The following EFR3A variants were observed in gnomAD, a reference collection of about 807,000 sequenced individuals.
EFR3A encodes the protein protein EFR3 homolog A.
Under a neutral mutation model 104.4 loss-of-function variants are expected in EFR3A, and 76 were observed. The ratio of observed to expected loss-of-function variants is 0.73; its 90% confidence interval spans 0.60 to 0.88. The LOEUF is 0.88. EFR3A is among the 40% of genes least tolerant of loss of function. The pLI, the probability that EFR3A is intolerant of heterozygous loss-of-function variation, is 0.00. For missense variants in EFR3A, 985 were observed against 1,012.5 expected (o/e 0.97, Z 0.37); for synonymous variants, 330 against 330.0 (o/e 1.00, Z 0.00).
At chr8:131,968,548 C>T in intron 9 of EFR3A, 118 bp downstream of exon 9, 1 of 1,129,638 alleles carries the variant, frequency 8.9e-7, no homozygotes, top group Non-Finnish European at 1.2e-6. Flanking sequence ...TTTCGGTGTA[C>T]AATAATTTTT....
intron 22 of EFR3A, among the ~76,000 whole-genome samples, chr8:132,003,665 A>G (rs952062279): frequency 6.6e-6 from 1 of 152,190 alleles, no homozygotes; most frequent in Non-Finnish European, 1.5e-5. Context: ...TGTCAGCCTC[A>G]TGGTTCTTTT....
intron 1 of EFR3A, among the ~76,000 whole-genome samples, chr8:131,917,636 A>G (rs1816805305): frequency 6.6e-6 from 1 of 152,220 alleles, no homozygotes; most frequent in Admixed American, 6.5e-5. Context: ...TAGAGGTGAG[A>G]TAATGTTCTA....
rs1050523389 is a variant in EFR3A, at chr8:131,979,568, C to G, written c.1575+147C>G. The stretch of plus-strand genomic sequence containing the variant: ...TCAAGACGCCATCTTCAGCCTCCCT[C>G]AAGTGTAACATTCCTGTCGGTGTCT... On this transcript the variant is annotated intron_variant, in intron 14 of 22. Coordinates refer to ENST00000254624, the MANE Select transcript of EFR3A (RefSeq NM_015137.6). 20 of 590,566 alleles carry G rather than the reference C, an allele frequency of 3.4e-5. No individual in the cohort carries two copies. The African/African-American group carries it at 3.6e-4, about 11-fold the overall frequency. The allele number at this position is 590,566 out of a possible 1,614,324, so 36.6% of individuals were successfully genotyped here.
At chr8:131,962,074 AG>A (rs1819379271) in intron 8 of EFR3A, among the ~76,000 whole-genome samples, 1 of 152,374 alleles carries the variant, frequency 6.6e-6, no homozygotes, top group South Asian at 2.1e-4. Context: ...AAACATGGAA[AG>A]GAACAACCGG....
intron 1 of EFR3A, among the ~76,000 whole-genome samples, chr8:131,907,643 A>G (rs1816315603): frequency 6.6e-6 from 1 of 152,242 alleles, no homozygotes; most frequent in African/African-American, 2.4e-5. Flanking sequence ...TGCAGAATGA[A>G]TTATAAAAGA....
In EFR3A at chr8:131,959,583, A is replaced by T. The variant is rs1287954612; in HGVS notation, c.777-2A>T. ...TTTTAAAGTAATTTTTGTTATTTGC[A>T]GGCATTTAGATCATCACAAACTGTG... On this transcript the variant is annotated splice_acceptor_variant, in intron 7 of 22. Transcript: ENST00000254624. LOFTEE classifies it high-confidence loss of function. 2 of 1,608,302 alleles carry T rather than the reference A, an allele frequency of 1.2e-6. No individual in the cohort carries two copies. Among genetic ancestry groups the T allele is most frequent in the Non-Finnish European group, 1.7e-6 (2 of 1,178,110 alleles).
chr8:131,975,532 T>C (rs1285757735), intron 10 of EFR3A, among the ~76,000 whole-genome samples: 1 of 147,670 alleles, frequency 6.8e-6, no homozygotes, highest in Non-Finnish European at 1.5e-5. Flanking sequence ...TTCTCCTGCC[T>C]CAACCTCCTG....
intron 22 of EFR3A, among the ~76,000 whole-genome samples, chr8:132,009,806 A>G (rs901490290): frequency 1.3e-5 from 2 of 152,138 alleles, no homozygotes; most frequent in African/African-American, 2.4e-5. Flanking sequence ...TTTTCTTAGC[A>G]TAACTAAAAA....
chr8:131,918,488 T>C (rs965008377), intron 1 of EFR3A, among the ~76,000 whole-genome samples: 7 of 152,238 alleles, frequency 4.6e-5, no homozygotes, highest in Admixed American at 4.6e-4. Context: ...TTGAACATTT[T>C]ACTTAACTAG....
Position 131,990,075 on chromosome 8 carries a change from C to T in EFR3A, c.2065+2373C>T, listed in dbSNP as rs577140696. 7.2e-5 allele frequency among the ~76,000 whole-genome samples: 11 copies of T among 152,282 alleles called. No homozygotes were observed. The East Asian group carries it at 1.9e-3, about 27-fold the overall frequency. On this transcript the variant is annotated intron_variant, in intron 18 of 22. Coordinates refer to ENST00000254624, the MANE Select transcript of EFR3A (RefSeq NM_015137.6). ...AGTTATTTAAGTATTAAGCGAGCAC[C>T]TCCAGTGTGCCAGCTGCTGTGCAAG...
intron 1 of EFR3A, 79 bp downstream of exon 1, chr8:131,904,401 G>A: frequency 4.1e-6 from 5 of 1,213,788 alleles, no homozygotes; most frequent in Non-Finnish European, 5.2e-6. Context: ...CTCCTCCCGG[G>A]CGGCTGGGGA....
intron 1 of EFR3A, among the ~76,000 whole-genome samples, chr8:131,938,641 T>C (rs917759987): frequency 6.6e-6 from 1 of 152,120 alleles, no homozygotes; most frequent in Non-Finnish European, 1.5e-5. Flanking sequence ...GGCACACACA[T>C]TTCTGCAATT....
chr8:131,982,759 A>G (rs971011926), intron 14 of EFR3A, among the ~76,000 whole-genome samples: 12 of 152,266 alleles, frequency 7.9e-5, no homozygotes, highest in African/African-American at 2.4e-4. Flanking sequence ...AGAATTCAAG[A>G]ATATTCTGAG....
chr8:132,001,591 A>G (rs1821782529), intron 19 of EFR3A, among the ~76,000 whole-genome samples, 168 bp from the exon 20 acceptor site: 1 of 152,192 alleles, frequency 6.6e-6, no homozygotes, highest in Admixed American at 6.5e-5. Flanking sequence ...ACCAATGAAA[A>G]AGTGGAGATT....
At chr8:131,905,000 C>T (rs1816175141) in intron 1 of EFR3A, among the ~76,000 whole-genome samples, 1 of 152,204 alleles carries the variant, frequency 6.6e-6, no homozygotes, top group African/African-American at 2.4e-5. Flanking sequence ...TACCAAGGCA[C>T]CCCAAAGTTT....
chr8:131,988,071 T>C (rs1820986678), intron 18 of EFR3A, among the ~76,000 whole-genome samples: 4 of 152,122 alleles, frequency 2.6e-5, no homozygotes, highest in African/African-American at 7.2e-5. Flanking sequence ...TTTAGGTTAA[T>C]GAATTAGGCA....
chr8:131,932,062 A>T (rs891608096), intron 1 of EFR3A, among the ~76,000 whole-genome samples: 1 of 152,074 alleles, frequency 6.6e-6, no homozygotes, highest in Non-Finnish European at 1.5e-5. Context: ...CATGTAAATA[A>T]GTGATTTGCA....
chr8:131,984,436 T>A, intron 15 of EFR3A, 136 bp downstream of exon 15: 1 of 806,672 alleles, frequency 1.2e-6, no homozygotes, highest in Non-Finnish European at 1.9e-6. Flanking sequence ...CTCAAGACTA[T>A]GACTACATTC....
intron 10 of EFR3A, among the ~76,000 whole-genome samples, chr8:131,975,748 C>T (rs944717297): frequency 6.6e-6 from 1 of 152,024 alleles, no homozygotes; most frequent in Non-Finnish European, 1.5e-5. Flanking sequence ...CTCCAGTCAA[C>T]TCAAGTCAGT....
Sources: allele counts gnomAD v4.1 joint callset (sites outside exome capture counted in the v4.1 genomes callset), GRCh38; gene constraint gnomAD v4.1.1; transcripts MANE v1.5; gene names NCBI Gene and HGNC (gene_info 2026-07-23, HGNC 2026-07-21).